Variants in DNAH2 observed in about 807,000 individuals in gnomAD.
The protein encoded by DNAH2 is dynein axonemal heavy chain 2, also known as axonemal beta dynein heavy chain 2.
Under a neutral mutation model 523.5 loss-of-function variants are expected in DNAH2, and 323 were observed. The ratio of observed to expected loss-of-function variants is 0.62; its 90% CI spans 0.56 to 0.68. The LOEUF is 0.68. DNAH2 is among the 30% of genes least tolerant of loss of function. The pLI, the probability that DNAH2 is intolerant of heterozygous loss-of-function variation, is 0.00. For synonymous variants in DNAH2, 2,093 were observed against 2,177.4 expected (o/e 0.96, Z 1.08); for missense variants, 4,907 against 5,701.5 (o/e 0.86, Z 4.49).
chr17:7,775,173 C>G, intron 29 of DNAH2, 68 bp from the exon 30 acceptor site: 1 of 1,511,298 alleles, frequency 6.6e-7, no homozygotes, highest in Admixed American at 1.9e-5. Context: ...CCTCAAAAGG[C>G]CCCAGGACTT....
chr17:7,791,607 G>A lies in DNAH2; in HGVS notation c.6901-310G>A, dbSNP rs187249565. Among the ~76,000 whole-genome samples, 39 of 152,184 alleles carry A rather than the reference G, an allele frequency of 2.6e-4. 1 individual carries two copies. The highest frequency in any genetic ancestry group is 6.2e-4 in the South Asian group (3 of 4,814). ...ACAAACAAGTCACTATGAATGTTCC[G>A]GGACCTGTCTCCTGAGCACCCTTGG... On this transcript the variant is annotated intron_variant, in intron 44 of 85. Transcript: ENST00000572933.
In DNAH2 at chr17:7,818,648, G is replaced by C. The variant is rs1191600413; in HGVS notation, c.10542G>C (p.Leu3514=). The C allele has an allele frequency of 1.2e-6, 2 of 1,613,924 alleles. No homozygotes were observed. Among genetic ancestry groups the C allele is most frequent in the Admixed American group, 3.3e-5 (2 of 60,022 alleles). The change falls in exon 70 of 86, where the codon CTG becomes CTC. Residue 3514 remains leucine (L), a synonymous_variant. Transcript: ENST00000572933. The stretch of plus-strand genomic sequence containing the variant: ...GTGAGTCCTGATGCCCCCAGGGCCT[G>C]GAGGCCCAGCTGCTGGGCATTGTGG... The part of the protein sequence containing the change: ...IVNFAVKEQG[L]EAQLLGIVVR...
Position 7,737,122 on chromosome 17 carries a change from C to G in DNAH2, c.1034C>G (p.Pro345Arg). 6.2e-7 allele frequency: 1 copy of G among 1,614,180 alleles called. No individual in the cohort carries two copies. Among genetic ancestry groups the G allele is most frequent in the Non-Finnish European group, 8.5e-7 (1 of 1,180,016 alleles). Reference sequence around the variant, plus strand: ...ACCTTTTTGTCAATCCTGAAGGAACCTTACCAGGAGTTGGCTTTCATGAAG... The same window carrying G: ...ACCTTTTTGTCAATCCTGAAGGAACGTTACCAGGAGTTGGCTTTCATGAAG... ...NLTFLSILKE[P>R]YQELAFMKPK... Residue 345 changes from proline to arginine, a missense_variant, in exon 8 of 86, where the codon CCT (proline) becomes CGT (arginine). By Grantham distance (103) the Pro-to-Arg change is moderately radical (BLOSUM62 -2). This residue lies in a region of DNAH2 where 2,806 missense variants were observed against 3,190.8 expected (regional missense o/e 0.88). Coordinates refer to ENST00000572933, the MANE Select transcript of DNAH2 (RefSeq NM_020877.5).
At chr17:7,738,671 C>T (rs1383346141) in intron 8 of DNAH2, among the ~76,000 whole-genome samples, 2 of 152,166 alleles carry the variant, frequency 1.3e-5, no homozygotes, top group Non-Finnish European at 2.9e-5. Context: ...ATCCCAGGAA[C>T]CCTACCTGGT....
chr17:7,721,102 G>A (rs1054861709), intron 2 of DNAH2, among the ~76,000 whole-genome samples: 6 of 143,934 alleles, frequency 4.2e-5, no homozygotes, highest in East Asian at 2.2e-4. Context: ...TCTGCCTCCC[G>A]GGCTCAAGTG....
rs796065817 is a variant in DNAH2 at position 7,732,434 on chromosome 17, C to CAA, written c.400-630_400-629dup. ...TGAGTGACAAAGCAAGACTCCATCT[C>CAA]AAAAAAAAAAAAAAAAAAAAAAAAT... On this transcript the variant is annotated intron_variant, in intron 4 of 85. Transcript: ENST00000572933. Among the ~76,000 whole-genome samples the CAA allele has an allele frequency of 6.9e-3, 368 of 53,110 alleles. 1 individual carries two copies. The highest frequency in any genetic ancestry group is 8.0e-3 in the Non-Finnish European group (206 of 25,898). 34.8% of individuals were successfully genotyped at this position (53,110 alleles called of 152,430 possible).
chr17:7,822,190 C>T (rs551173121), intron 73 of DNAH2, among the ~76,000 whole-genome samples: 8 of 152,292 alleles, frequency 5.3e-5, no homozygotes, highest in African/African-American at 1.7e-4. Context: ...AGGCTGGTCT[C>T]GAACTCCTGG....
intron 20 of DNAH2, among the ~76,000 whole-genome samples, chr17:7,764,843 T>TC (rs1196464235): frequency 8.3e-5 from 12 of 143,830 alleles, no homozygotes; most frequent in Non-Finnish European, 1.7e-4. Flanking sequence ...CTTTTGGATT[T>TC]TTTTTTTTTT....
chr17:7,768,276 TCTC>T lies in DNAH2; in HGVS notation c.3941+13_3941+15del, dbSNP rs2076226383. On this transcript the variant is annotated intron_variant, in intron 24 of 85. Transcript: ENST00000572933. Reference sequence around the variant, plus strand: ...CCTGCCCTTAGAGAGAGGTGAGGCTTCTCCTCTGCTCCGGGGTGTCCACTCTGC... The same window carrying T: ...CCTGCCCTTAGAGAGAGGTGAGGCTTCTCTGCTCCGGGGTGTCCACTCTGC... 1.2e-6 allele frequency: 2 copies of T among 1,613,960 alleles called. No individual in the cohort carries two copies. The highest frequency in any genetic ancestry group is 3.3e-5 in the Admixed American group (2 of 59,998).
rs774183532 is a variant in DNAH2, at chr17:7,798,237, C to G, written c.8311C>G (p.Leu2771Val). ...VGIGGSGRQS[L>V]ARLASSICDY... ...TATCGGGGGCAGCGGACGCCAGAGT[C>G]TGGCCCGCCTGGCTTCATCCATCTG... Residue 2771 changes from leucine (L) to valine (V), a missense_variant, in exon 54 of 86, where the codon CTG becomes GTG. Coordinates refer to ENST00000572933, the MANE Select transcript of DNAH2 (RefSeq NM_020877.5). This position sits in a 1 kb window ranked among gnomAD's most constrained non-coding sequence, Gnocchi z 5.5. 3 of 1,613,912 alleles carry G rather than the reference C, an allele frequency of 1.9e-6. No homozygotes were observed. Among genetic ancestry groups the G allele is most frequent in the Admixed American group, 1.7e-5 (1 of 60,024 alleles).
At chr17:7,771,228 C>T (rs2151222213) in intron 27 of DNAH2, 102 bp from the exon 28 acceptor site, 1 of 1,530,716 alleles carries the variant, frequency 6.5e-7, no homozygotes, top group Non-Finnish European at 8.9e-7. Flanking sequence ...TTCTAGCACT[C>T]TGTATCTTCT....
intron 34 of DNAH2, 35 bp downstream of exon 34, chr17:7,778,215 G>C (rs374211559): frequency 2.5e-5 from 40 of 1,613,870 alleles, no homozygotes; most frequent in African/African-American, 6.7e-5. Flanking sequence ...TGGCTGGGGT[G>C]GGGGGCAGCA....
chr17:7,818,809 C>T lies in DNAH2; in HGVS notation c.10670+33C>T, dbSNP rs377699048. ...CCTGCCTTCCCCTCCCACTGCCCCA[C>T]GGGTCTACTCCCAGCCAGCCTCCAC... is the stretch of plus-strand genomic sequence containing the variant. On this transcript the variant is annotated intron_variant, in intron 70 of 85. Coordinates refer to ENST00000572933, the MANE Select transcript of DNAH2 (RefSeq NM_020877.5). 4.5e-5 allele frequency: 73 copies of T among 1,612,974 alleles called. No homozygotes were observed. In the East Asian group the frequency reaches 6.0e-4, roughly 13 times the overall value.
chr17:7,739,070 C>T, intron 8 of DNAH2: 1 of 693,484 alleles, frequency 1.4e-6, no homozygotes, highest in South Asian at 1.5e-5. Flanking sequence ...TCCCTCCCCA[C>T]CTCCCACCCC....
In DNAH2 at chr17:7,799,227, T is replaced by C; in HGVS notation, c.8684T>C (p.Met2895Thr). 6.2e-7 allele frequency: 1 copy of C among 1,614,200 alleles called. No individual in the cohort carries two copies. The highest frequency in any genetic ancestry group is 1.3e-5 in the African/African-American group (1 of 75,074). Residue 2895 changes from methionine (M) to threonine (T), a missense_variant, in exon 56 of 86, where the codon ATG becomes ACG. Physicochemically the swap from Met to Thr is moderately conservative, Grantham distance 81. This residue lies in a region of DNAH2 where 1,851 missense variants were observed against 2,139.4 expected (regional missense o/e 0.87). Transcript: ENST00000572933. ...CACATCGTGCTCTGCCTCAGCCCCATGGGGGATCCCTTCAGGTGACTTCTG... is the reference window on the plus strand; with the variant it reads ...CACATCGTGCTCTGCCTCAGCCCCACGGGGGATCCCTTCAGGTGACTTCTG... Reference protein sequence around the residue: ...NLHIVLCLSPMGDPFRNWIRQ... With the variant: ...NLHIVLCLSPTGDPFRNWIRQ...
chr17:7,769,811 G>A (rs1165334633), intron 24 of DNAH2, among the ~76,000 whole-genome samples: 1 of 152,144 alleles, frequency 6.6e-6, no homozygotes, highest in African/African-American at 2.4e-5. Flanking sequence ...TTTTGGCAAT[G>A]CCAAACCATT....
Position 7,831,045 on chromosome 17 carries a change from A to C in DNAH2, c.12231-41A>C. The C allele has an allele frequency of 5.0e-6, 8 of 1,589,008 alleles. No individual in the cohort carries two copies. Among genetic ancestry groups the C allele is most frequent in the Non-Finnish European group, 6.9e-6 (8 of 1,164,138 alleles). On this transcript the variant is annotated intron_variant, in intron 79 of 85. Coordinates refer to ENST00000572933, the MANE Select transcript of DNAH2 (RefSeq NM_020877.5). The surrounding 1 kb of genome is among the most constrained non-coding windows in gnomAD (Gnocchi z 4.2). ...GGTCTTGGCCTGGCATTGAGGGCTG[A>C]GTCCCCACAATGTGGCAGTAATTAT...
In DNAH2 at chr17:7,786,535, T is replaced by C; in HGVS notation, c.6349-35T>C. ...GGAAATAAAGAGGGGTTTTTGTCCA[T>C]CAGCAGCTAAAACCCCTTCCGGTGT... On this transcript the variant is annotated intron_variant, in intron 40 of 85. Transcript: ENST00000572933. This position sits in a 1 kb window ranked among gnomAD's most constrained non-coding sequence, Gnocchi z 7.5. 6.3e-7 allele frequency: 1 copy of C among 1,591,080 alleles called. No individual in the cohort carries two copies. The highest frequency in any genetic ancestry group is 1.3e-5 in the African/African-American group (1 of 74,526).
chr17:7,740,411 C>A lies in DNAH2; in HGVS notation c.1377-9C>A, dbSNP rs202152475. On this transcript the variant is annotated splice_polypyrimidine_tract_variant and intron_variant, in intron 9 of 85. Coordinates refer to ENST00000572933, the MANE Select transcript of DNAH2 (RefSeq NM_020877.5). ...CACTCAGCTGCCACATGCCTCTCCA[C>A]CGGTGCAGGTTCCGTGCCGGAATCA... The A allele has an allele frequency of 1.7e-4, 282 of 1,613,908 alleles. 1 individual carries two copies. Among genetic ancestry groups the A allele is most frequent in the Admixed American group, 4.8e-4 (29 of 59,992 alleles).
Sources: allele counts gnomAD v4.1 joint callset (sites outside exome capture counted in the v4.1 genomes callset), GRCh38; gene constraint gnomAD v4.1.1; regional missense constraint gnomAD v4.1.1; non-coding constraint Gnocchi (gnomAD v3.1); transcripts MANE v1.5; gene names NCBI Gene and HGNC (gene_info 2026-07-23, HGNC 2026-07-21).